PCDH11X: variants seen among roughly 807,000 people sequenced by gnomAD.
The protein encoded by PCDH11X is protocadherin-11 X-linked.
Under a neutral mutation model 53.3 loss-of-function variants are expected in PCDH11X, and 18 were observed. That is an observed-to-expected ratio of 0.34 (90% CI 0.23 to 0.50). The LOEUF is 0.50. Among genes scored for constraint, PCDH11X ranks in the 20% least tolerant of loss-of-function variants. PCDH11X has a pLI of 0.98. For synonymous variants in PCDH11X, 279 were observed against 393.3 expected (o/e 0.71, Z 3.44); for missense variants, 570 against 1,032.4 (o/e 0.55, Z 6.14).
At chrX:91,886,742 C>T (rs187071489) in intron 6 of PCDH11X, among the ~76,000 whole-genome samples, 1,287 of 109,347 alleles carry the variant, frequency 0.012, 12 homozygotes, top group South Asian at 0.067. Context: ...GAGGCCAAGG[C>T]GGGAGGATCA....
chrX:92,322,536 T>C (rs2069239814), intron 8 of PCDH11X, among the ~76,000 whole-genome samples: 1 of 111,506 alleles, frequency 9.0e-6, no homozygotes, highest in East Asian at 2.8e-4. Context: ...TCTTTATATC[T>C]TATTTACTGT....
chrX:91,818,534 CTAA>C (rs1936525849), intron 4 of PCDH11X, among the ~76,000 whole-genome samples: 3 of 98,778 alleles, frequency 3.0e-5, no homozygotes, highest in African/African-American at 1.4e-4. Flanking sequence ...CCCATCTCTA[CTAA>C]AAAAAAAAAT....
intron 10 of PCDH11X, among the ~76,000 whole-genome samples, chrX:92,607,483 G>A (rs1331324203): frequency 9.0e-6 from 1 of 111,442 alleles, no homozygotes; most frequent in Admixed American, 9.6e-5. Flanking sequence ...GACGGGAAAT[G>A]GGCAGTGGCT....
intron 7 of PCDH11X, among the ~76,000 whole-genome samples, chrX:92,230,737 A>G (rs2148369572): frequency 9.4e-6 from 1 of 106,091 alleles, no homozygotes; most frequent in South Asian, 4.1e-4. Context: ...TACTTTTCAG[A>G]TGAAAAGGGA....
chrX:91,896,194 G>A (rs1940749097), intron 6 of PCDH11X, among the ~76,000 whole-genome samples: 1 of 109,455 alleles, frequency 9.1e-6, no homozygotes, highest in African/African-American at 3.3e-5. Flanking sequence ...GTGCAATCTC[G>A]GCTCACTGCA....
intron 6 of PCDH11X, among the ~76,000 whole-genome samples, chrX:92,137,982 A>G (rs1298460273): frequency 9.8e-6 from 1 of 102,045 alleles, no homozygotes; most frequent in Non-Finnish European, 2.0e-5. Flanking sequence ...TCCATTAGCT[A>G]TTTTTTCTGA....
chrX:92,461,845 G>T (rs993149076), intron 9 of PCDH11X, among the ~76,000 whole-genome samples: 1 of 111,559 alleles, frequency 9.0e-6, no homozygotes, highest in African/African-American at 3.3e-5. Context: ...TATATGAGGA[G>T]CTCAAACAAC....
intron 6 of PCDH11X, among the ~76,000 whole-genome samples, chrX:91,965,921 C>CAAGGAAG (rs1256369495): frequency 2.7e-5 from 3 of 111,573 alleles, no homozygotes; most frequent in East Asian, 5.7e-4. Context: ...CAAGTATTAC[C>CAAGGAAG]AAGGAAGAAG....
At chrX:91,892,895 G>T (rs1369345133) in intron 6 of PCDH11X, among the ~76,000 whole-genome samples, 1 of 109,612 alleles carries the variant, frequency 9.1e-6, no homozygotes, top group Admixed American at 9.8e-5. Flanking sequence ...CAAGTGATCC[G>T]CCCGCCTCAT....
intron 6 of PCDH11X, among the ~76,000 whole-genome samples, chrX:92,176,846 C>CTT (rs1603114218): frequency 1.8e-5 from 2 of 111,495 alleles, no homozygotes; most frequent in Non-Finnish European, 3.8e-5. Flanking sequence ...CTAGGCTCCA[C>CTT]ACTACAGATC....
chrX:91,787,480 T>G (rs1224519123), intron 1 of PCDH11X, among the ~76,000 whole-genome samples: 1 of 110,691 alleles, frequency 9.0e-6, no homozygotes, highest in East Asian at 2.9e-4. Context: ...AGGTCTTTTA[T>G]GATTTATGTT....
chrX:92,357,772 G>A lies in PCDH11X; in HGVS notation c.3145-29963G>A, dbSNP rs148237350. On this transcript the variant is annotated intron_variant, in intron 8 of 10. Transcript: ENST00000682573. ...TAAGATACCCTGTATTACTTGTATCGATCTCATTAAGTATAAATCTATTTT... is the reference window on the plus strand; with the variant it reads ...TAAGATACCCTGTATTACTTGTATCAATCTCATTAAGTATAAATCTATTTT... 4.1e-3 allele frequency among the ~76,000 whole-genome samples: 456 copies of A among 111,330 alleles called. 6 individuals are homozygous for A. The East Asian group carries it at 0.055, about 13-fold the overall frequency.
At chrX:92,356,928 C>A (rs1187422602) in intron 8 of PCDH11X, among the ~76,000 whole-genome samples, 1 of 111,223 alleles carries the variant, frequency 9.0e-6, no homozygotes, top group African/African-American at 3.3e-5. Context: ...AGATTGGCAT[C>A]ATGGAAGGCA....
At chrX:92,370,977 T>G (rs1438342205) in intron 8 of PCDH11X, among the ~76,000 whole-genome samples, 1 of 112,144 alleles carries the variant, frequency 8.9e-6, no homozygotes, top group African/African-American at 3.2e-5. Flanking sequence ...TTGTCTCTTG[T>G]AACGTTTTTT....
chrX:92,606,432 G>A (rs1602434866), intron 10 of PCDH11X, among the ~76,000 whole-genome samples: 1 of 107,276 alleles, frequency 9.3e-6, no homozygotes, highest in South Asian at 4.2e-4. Context: ...ATAATAAATA[G>A]TCTTTCCACA....
chrX:92,511,874 G>A (rs2074167523), intron 10 of PCDH11X, among the ~76,000 whole-genome samples: 1 of 109,749 alleles, frequency 9.1e-6, no homozygotes, highest in Non-Finnish European at 1.9e-5. Flanking sequence ...AAGATGAGGG[G>A]GTGCCTAAGG....
At chrX:92,316,340 A>G (rs2069076005) in intron 8 of PCDH11X, among the ~76,000 whole-genome samples, 1 of 111,239 alleles carries the variant, frequency 9.0e-6, no homozygotes, top group Admixed American at 9.6e-5. Context: ...TGAGAAATGT[A>G]GTGATCTCTC....
intron 5 of PCDH11X, among the ~76,000 whole-genome samples, chrX:91,838,073 G>A (rs1189699820): frequency 9.0e-6 from 1 of 111,573 alleles, no homozygotes; most frequent in Non-Finnish European, 1.9e-5. Flanking sequence ...TGACCATCTT[G>A]ACAAATGTGT....
chrX:92,306,577 A>G (rs1361581093), intron 8 of PCDH11X, among the ~76,000 whole-genome samples: 1 of 108,988 alleles, frequency 9.2e-6, no homozygotes, highest in Non-Finnish European at 1.9e-5. Context: ...AGAGAGAGAT[A>G]GGAAGGAACC....
Sources: allele counts gnomAD v4.1 joint callset (sites outside exome capture counted in the v4.1 genomes callset), GRCh38; gene constraint gnomAD v4.1.1; transcripts MANE v1.5; gene names NCBI Gene and HGNC (gene_info 2026-07-23, HGNC 2026-07-21).